Variants in BRI3 observed in about 807,000 individuals in gnomAD.
The protein encoded by BRI3 is membrane protein BRI3.
A neutral mutation model predicts 12.8 loss-of-function variants in BRI3; 6 were observed. The ratio of observed to expected loss-of-function variants is 0.47; its 90% CI spans 0.26 to 0.93. The LOEUF is 0.93. Ranked by LOEUF, BRI3 falls within the 40% of genes least tolerant of loss-of-function variation. The pLI is 0.15. For missense variants in BRI3, 134 were observed against 171.1 expected (o/e 0.78, Z 1.21); for synonymous variants, 91 against 76.1 (o/e 1.20, Z -1.02).
intron 2 of BRI3, among the ~76,000 whole-genome samples, chr7:98,290,630 C>T (rs1584399288): frequency 6.6e-6 from 1 of 152,180 alleles, no homozygotes; most frequent in African/African-American, 2.4e-5. Flanking sequence ...TCCCAAGTAG[C>T]CGGGACTACA....
chr7:98,305,552 T>C (rs771916174), upstream of BRI3, among the ~76,000 whole-genome samples: 1 of 152,132 alleles, frequency 6.6e-6, no homozygotes, highest in Non-Finnish European at 1.5e-5. Flanking sequence ...CCAGAGTAGA[T>C]GGGACAATGG....
the BRI3 span, among the ~76,000 whole-genome samples, chr7:98,322,360 G>A: frequency 6.6e-6 from 1 of 152,074 alleles, no homozygotes; most frequent in South Asian, 2.1e-4. Context: ...ACGTCCCATT[G>A]GGCACACCTC....
intron 1 of BRI3, chr7:98,307,128 T>C (rs932870142): frequency 1.3e-5 from 2 of 159,148 alleles, no homozygotes; most frequent in African/African-American, 4.8e-5. Context: ...ATTTATTTTT[T>C]TGAGACAGAG....
At chr7:98,307,807 G>A in exon 2 of BRI3, 1 of 1,614,260 alleles carries the variant, frequency 6.2e-7, no homozygotes, top group Non-Finnish European at 8.5e-7. Context: ...GCAGTGTGCG[G>A]GAAGATGGTC....
Position 98,307,414 on chromosome 7 carries a change from A to T in BRI3, n.145-101A>T, listed in dbSNP as rs552441225. On this transcript the variant is annotated intron_variant and non_coding_transcript_variant, in intron 1 of 1. Transcript: ENST00000485422. ...AGCCACTGCACTGGCCAAATGCTAA[A>T]TTTTTTTTAAAAACAAAAGAATGTT... The T allele has an allele frequency of 2.7e-3, 3,483 of 1,279,026 alleles. 4 individuals are homozygous for T. Among genetic ancestry groups the T allele is most frequent in the Non-Finnish European group, 3.3e-3 (3,307 of 1,003,518 alleles). 79.2% of individuals were successfully genotyped at this position (1,279,026 alleles called of 1,614,324 possible).
At chr7:98,291,880 CCA>C (rs950674994), downstream of BRI3, 3 of 153,122 alleles carry the variant, frequency 2.0e-5, no homozygotes, top group African/African-American at 7.2e-5. Flanking sequence ...CAGGTGTCAC[CCA>C]CACCCCAGCA....
downstream of BRI3, chr7:98,312,153 A>G (rs762626607): frequency 1.9e-6 from 3 of 1,614,074 alleles, no homozygotes; most frequent in South Asian, 3.3e-5. Context: ...ACGGGGGTAG[A>G]GGCTGGGGTC....
At chr7:98,308,391 G>A (rs1202421196) in exon 2 of BRI3, 1 of 419,278 alleles carries the variant, frequency 2.4e-6, no homozygotes, top group Admixed American at 2.6e-5. Context: ...GCCTAAGAAG[G>A]ACAAGGTGAG....
downstream of BRI3, among the ~76,000 whole-genome samples, chr7:98,297,105 G>A (rs895795563): frequency 1.3e-5 from 2 of 152,234 alleles, no homozygotes; most frequent in African/African-American, 2.4e-5. Flanking sequence ...CAGCCACTAC[G>A]AGAGTGGTTG....
downstream of BRI3, chr7:98,310,599 A>G: frequency 6.4e-7 from 1 of 1,557,120 alleles, no homozygotes; most frequent in Admixed American, 2.3e-5. Context: ...TAACCTGTGA[A>G]AAATTCTTTA....
At position 98,281,717 on chromosome 7, in the gene BRI3, C is replaced by A; in HGVS notation, c.-79C>A. The A allele has an allele frequency of 1.3e-6, 1 of 768,412 alleles. No individual in the cohort carries two copies. Among genetic ancestry groups the A allele is most frequent in the Non-Finnish European group, 1.6e-6 (1 of 637,846 alleles). The allele number at this position is 768,412 out of a possible 1,614,324, so 47.6% of individuals were successfully genotyped here. ...GCCCGAGCCACCCGGTCCGCCGCGT[C>A]CCCGCCGCCGCCGCCGCGTCCCCCG... On this transcript the variant is annotated 5_prime_UTR_variant, in exon 1 of 3. Coordinates refer to ENST00000297290, the MANE Select transcript of BRI3 (RefSeq NM_015379.5).
chr7:98,292,258 G>C (rs1274018026), downstream of BRI3: 26 of 264,780 alleles, frequency 9.8e-5, no homozygotes, highest in Non-Finnish European at 2.2e-5. Flanking sequence ...CACACACGGT[G>C]AGCGGCCGGG....
upstream of BRI3, among the ~76,000 whole-genome samples, chr7:98,302,170 C>T (rs530797204): frequency 3.3e-5 from 5 of 152,354 alleles, no homozygotes; most frequent in South Asian, 1.0e-3. Flanking sequence ...CTGATACTTA[C>T]AACCAGGCTT....
intron 2 of BRI3, among the ~76,000 whole-genome samples, chr7:98,290,182 T>G (rs897234353): frequency 8.3e-4 from 5 of 6,058 alleles, no homozygotes; most frequent in East Asian, 8.5e-3. Context: ...CTCAAGGTTG[T>G]TTTTTTTTTT....
At chr7:98,292,652 T>G (rs1019390980), downstream of BRI3, 2 of 1,551,538 alleles carry the variant, frequency 1.3e-6, no homozygotes, top group African/African-American at 2.7e-5. Context: ...CCAGAGGTCA[T>G]CCTGGCTTTA....
At chr7:98,313,704 G>A (rs143766782), downstream of BRI3, among the ~76,000 whole-genome samples, 6 of 151,774 alleles carry the variant, frequency 4.0e-5, no homozygotes, top group East Asian at 1.9e-4. Context: ...CTGCAACCTC[G>A]AACTCCTGGG....
chr7:98,308,143 C>T (rs923674700), exon 2 of BRI3: 4 of 633,258 alleles, frequency 6.3e-6, no homozygotes, highest in Non-Finnish European at 1.2e-5. Flanking sequence ...CGGCTGCGGG[C>T]TCTTTTCCAG....
chr7:98,315,215 A>G (rs1337648680), downstream of BRI3, among the ~76,000 whole-genome samples: 2 of 152,092 alleles, frequency 1.3e-5, no homozygotes, highest in African/African-American at 2.4e-5. Flanking sequence ...TCAACTTCCC[A>G]GGCTGAAGGG....
chr7:98,284,558 A>G (rs1036284722), intron 2 of BRI3, among the ~76,000 whole-genome samples: 2 of 152,206 alleles, frequency 1.3e-5, no homozygotes, highest in Non-Finnish European at 2.9e-5. Context: ...CCCGGGAGAC[A>G]GGATACCACT....
Sources: gnomAD v4.1 joint callset for allele counts (sites outside exome capture counted in the v4.1 genomes callset) on GRCh38, gnomAD v4.1.1 for gene constraint, MANE v1.5 for transcripts, NCBI Gene and HGNC (gene_info 2026-07-23, HGNC 2026-07-21) for gene names.